LYG2: variants seen among roughly 807,000 people sequenced by gnomAD.
The protein encoded by LYG2 is lysozyme g2, also known as lysozyme g-like protein 2.
A neutral mutation model predicts 22.4 loss-of-function variants in LYG2; 25 were observed. That is an observed-to-expected ratio of 1.12 (90% CI 0.81 to 1.56). LYG2 has a LOEUF of 1.56. Ranked by LOEUF, LYG2 falls within the 40% of genes most tolerant of loss-of-function variation. The probability of loss-of-function intolerance (pLI) is 0.00; values close to 1 mark genes in which losing one functional copy is unlikely to be tolerated. For missense variants in LYG2, 266 were observed against 269.5 expected, an observed-to-expected ratio of 0.99 and a Z score of 0.09; for synonymous variants, 88 against 97.0, an observed-to-expected ratio of 0.91 and a Z score of 0.55.
In LYG2 at chr2:99,246,454, A is replaced by G. The variant is rs922869131; in HGVS notation, c.184+226T>C. Among the ~76,000 whole-genome samples, 3 of 152,364 alleles carry G rather than the reference A, an allele frequency of 2.0e-5. No individual in the cohort carries two copies. In the South Asian group the frequency reaches 6.2e-4, roughly 32 times the overall value. Reference sequence around the variant, plus strand: ...AATATTTATTCAAGCAGTAGTTTCAATACATGGAAATAAACACAGCTGGAC... The same window carrying G: ...AATATTTATTCAAGCAGTAGTTTCAGTACATGGAAATAAACACAGCTGGAC... On this transcript the variant is annotated intron_variant, in intron 4 of 6. Coordinates refer to ENST00000333017, the MANE Select transcript of LYG2 (RefSeq NM_175735.4).
At chr2:99,248,519 T>C (rs1226912876) in intron 3 of LYG2, among the ~76,000 whole-genome samples, 1 of 142,622 alleles carries the variant, frequency 7.0e-6, no homozygotes, top group Non-Finnish European at 1.5e-5. Flanking sequence ...CACTCATAGG[T>C]GGGAATTGAA....
chr2:99,243,869 G>T, intron 6 of LYG2, 130 bp downstream of exon 6: 2 of 1,012,018 alleles, frequency 2.0e-6, no homozygotes, highest in Non-Finnish European at 3.0e-6. Flanking sequence ...TGCAAATGCA[G>T]CCTCTAGACA....
At chr2:99,250,469 G>C (rs1574864481) in intron 3 of LYG2, among the ~76,000 whole-genome samples, 3 of 151,276 alleles carry the variant, frequency 2.0e-5, no homozygotes, top group East Asian at 3.9e-4. Context: ...CCGCCTCCTG[G>C]GTTCATGCCA....
chr2:99,250,289 C>T (rs1318585427), intron 3 of LYG2, among the ~76,000 whole-genome samples: 2 of 151,842 alleles, frequency 1.3e-5, no homozygotes, highest in Non-Finnish European at 2.9e-5. Context: ...GAAAATAGTC[C>T]TTAAACATAT....
chr2:99,254,436 ATAGT>A (rs1055240910), intron 2 of LYG2, 151 bp from the exon 3 acceptor site: 311 of 618,018 alleles, frequency 5.0e-4, no homozygotes, highest in African/African-American at 3.1e-3. Flanking sequence ...GGCTCAGTAC[ATAGT>A]TTGTTGGCAC....
rs190716253 is a variant in LYG2, at chr2:99,246,299, G to C, written c.184+381C>G. On this transcript the variant is annotated intron_variant, in intron 4 of 6. Transcript: ENST00000333017. The stretch of plus-strand genomic sequence containing the variant: ...TGGGGTCTGATGTGACCTTGTGGTT[G>C]CTGCCAGCTCCGACACTCTAAAACC... 1.3e-4 allele frequency among the ~76,000 whole-genome samples: 20 copies of C among 152,298 alleles called. No individual in the cohort carries two copies. In the East Asian group the frequency reaches 3.5e-3, roughly 26 times the overall value.
At chr2:99,255,457 C>T (rs1251969025) in intron 1 of LYG2, among the ~76,000 whole-genome samples, 146 bp downstream of exon 1, 1 of 152,166 alleles carries the variant, frequency 6.6e-6, no homozygotes, top group African/African-American at 2.4e-5. Context: ...CCCCAAGTTG[C>T]TCAGGAGGCA....
At chr2:99,253,855 A>G (rs917110572) in intron 3 of LYG2, among the ~76,000 whole-genome samples, 1 of 151,608 alleles carries the variant, frequency 6.6e-6, no homozygotes, top group Admixed American at 6.6e-5. Context: ...CCACCTATAC[A>G]CATTGAACTC....
At chr2:99,256,366 G>A (rs2094036309), upstream of LYG2, among the ~76,000 whole-genome samples, 1 of 152,114 alleles carries the variant, frequency 6.6e-6, no homozygotes, top group South Asian at 2.1e-4. Context: ...CCCATGGAGG[G>A]TCTGCTCCAC....
upstream of LYG2, among the ~76,000 whole-genome samples, chr2:99,255,889 T>C (rs2094035379): frequency 6.6e-6 from 1 of 152,110 alleles, no homozygotes; most frequent in Non-Finnish European, 1.5e-5. Context: ...GAAGAGAGTA[T>C]CTTTCTTCAG....
chr2:99,242,600 C>CCTG, intron 6 of LYG2, 118 bp from the exon 7 acceptor site: 1 of 588,272 alleles, frequency 1.7e-6, no homozygotes, highest in South Asian at 2.7e-5. Context: ...GTCCCAAATC[C>CCTG]TCCTCCCTCT....
intron 3 of LYG2, among the ~76,000 whole-genome samples, chr2:99,248,890 T>C (rs2094021598): frequency 6.6e-6 from 1 of 152,194 alleles, no homozygotes; most frequent in South Asian, 2.1e-4. Flanking sequence ...TTCCTATGTA[T>C]ATTTAATAAA....
At chr2:99,250,471 T>C (rs772615961) in intron 3 of LYG2, among the ~76,000 whole-genome samples, 4 of 149,252 alleles carry the variant, frequency 2.7e-5, no homozygotes, top group Non-Finnish European at 4.4e-5. Context: ...GCCTCCTGGG[T>C]TCATGCCATT....
At chr2:99,250,440 T>G (rs1274578405) in intron 3 of LYG2, among the ~76,000 whole-genome samples, 1 of 148,788 alleles carries the variant, frequency 6.7e-6, no homozygotes, top group Non-Finnish European at 1.5e-5. Flanking sequence ...AGTGGTGCGA[T>G]CATGGCTCAC....
chr2:99,255,991 G>A (rs561869586), upstream of LYG2, among the ~76,000 whole-genome samples: 22 of 152,304 alleles, frequency 1.4e-4, no homozygotes, highest in East Asian at 7.7e-4. Context: ...AGCACATTGC[G>A]CTGAGGGGAG....
chr2:99,247,041 C>CA (rs2105271604), intron 3 of LYG2, among the ~76,000 whole-genome samples: 1 of 152,236 alleles, frequency 6.6e-6, no homozygotes, highest in African/African-American at 2.4e-5. Context: ...AAACTCTATG[C>CA]AAAATATTAT....
chr2:99,243,999 C>T lies in LYG2; in HGVS notation c.520G>A (p.Gly174Ser), dbSNP rs1211224502. ...PTWSVAQHLKGGLSAFKSGIE... is the reference protein window; with the variant it reads ...PTWSVAQHLKSGLSAFKSGIE... Reference sequence around the variant, plus strand: ...ACAAAGTACTCAGAATACAGCCTACCTTTGAGGTGCTGAGCAACACTCCAC... The same window carrying T: ...ACAAAGTACTCAGAATACAGCCTACTTTTGAGGTGCTGAGCAACACTCCAC... Residue 174 changes from glycine (G) to serine (S), a missense_variant and splice_region_variant, in exon 6 of 7, where the codon GGT becomes AGT. Physicochemically the swap from Gly to Ser is moderately conservative, Grantham distance 56 (BLOSUM62 0). Transcript: ENST00000333017. 4.3e-6 allele frequency: 7 copies of T among 1,613,902 alleles called. No individual in the cohort carries two copies. Among genetic ancestry groups the T allele is most frequent in the African/African-American group, 1.3e-5 (1 of 74,878 alleles).
chr2:99,259,128 T>C (rs1348808353), upstream of LYG2, among the ~76,000 whole-genome samples: 2 of 152,160 alleles, frequency 1.3e-5, no homozygotes, highest in Admixed American at 1.3e-4. Flanking sequence ...TATGATTGCT[T>C]TGTAGTACTG....
At chr2:99,250,563 G>A (rs181300590) in intron 3 of LYG2, among the ~76,000 whole-genome samples, 2,954 of 152,050 alleles carry the variant, frequency 0.019, 110 homozygotes, top group African/African-American at 0.066. Context: ...TTTAGTAGAG[G>A]CGGGGTTTCA....
Sources: allele counts gnomAD v4.1 joint callset (sites outside exome capture counted in the v4.1 genomes callset), GRCh38; gene constraint gnomAD v4.1.1; transcripts MANE v1.5; gene names NCBI Gene and HGNC (gene_info 2026-07-23, HGNC 2026-07-21).